The following FBXL13 variants were observed in gnomAD, a reference collection of about 807,000 sequenced individuals.
The protein encoded by FBXL13 is F-box and leucine-rich repeat protein 13.
In FBXL13, 67 loss-of-function variants were observed where a neutral mutation model predicts 83.6. That is an observed-to-expected ratio of 0.80 (90% CI 0.66 to 0.98). FBXL13 has a LOEUF of 0.98. FBXL13 is among the 50% of genes least tolerant of loss of function. The pLI, the probability that FBXL13 is intolerant of heterozygous loss-of-function variation, is 0.00. For missense variants in FBXL13, 822 were observed against 866.5 expected, an observed-to-expected ratio of 0.95 and a Z score of 0.64; for synonymous variants, 272 against 299.5, an observed-to-expected ratio of 0.91 and a Z score of 0.95.
chr7:103,046,663 T>C (rs1563268014), intron 2 of FBXL13: 1 of 152,206 alleles, frequency 6.6e-6, no homozygotes, highest in Non-Finnish European at 1.5e-5. Context: ...ATCATTTCTA[T>C]TGGCTACAGA....
intron 6 of FBXL13, among the ~76,000 whole-genome samples, chr7:102,969,961 AG>A (rs1330388541): frequency 2.0e-5 from 3 of 152,188 alleles, no homozygotes; most frequent in Non-Finnish European, 4.4e-5. Context: ...GGTATCAAAA[AG>A]ATCTCTCGCC....
chr7:102,923,909 T>C (rs111839133), intron 10 of FBXL13, among the ~76,000 whole-genome samples: 2,335 of 152,108 alleles, frequency 0.015, 48 homozygotes, highest in African/African-American at 0.054. Context: ...CAATAAATGA[T>C]GCTGAAATAA....
chr7:103,037,025 C>T (rs1459670221), intron 2 of FBXL13, among the ~76,000 whole-genome samples: 1 of 152,162 alleles, frequency 6.6e-6, no homozygotes, highest in Non-Finnish European at 1.5e-5. Flanking sequence ...CAAAGCCATT[C>T]CTTAGAACAC....
At chr7:102,925,353 C>T (rs920948888) in intron 10 of FBXL13, among the ~76,000 whole-genome samples, 4 of 152,150 alleles carry the variant, frequency 2.6e-5, no homozygotes, top group African/African-American at 4.8e-5. Flanking sequence ...CATGATTGTA[C>T]CATTGCATTG....
chr7:102,888,137 T>G (rs1811040759), intron 11 of FBXL13, among the ~76,000 whole-genome samples: 1 of 152,222 alleles, frequency 6.6e-6, no homozygotes, highest in Non-Finnish European at 1.5e-5. Context: ...GGTACTCTTT[T>G]TTTGAATTTC....
intron 6 of FBXL13, among the ~76,000 whole-genome samples, chr7:103,001,105 C>A (rs1790347584): frequency 6.6e-6 from 1 of 151,624 alleles, no homozygotes; most frequent in Non-Finnish European, 1.5e-5. Flanking sequence ...CCACCACACC[C>A]AGTTCTATAT....
intron 7 of FBXL13, among the ~76,000 whole-genome samples, chr7:102,967,617 G>C (rs1017437010): frequency 6.6e-6 from 1 of 152,112 alleles, no homozygotes; most frequent in Non-Finnish European, 1.5e-5. Context: ...AAAATTATGA[G>C]TTATGAAAAG....
intron 8 of FBXL13, chr7:102,944,680 G>GA: frequency 7.4e-7 from 1 of 1,346,880 alleles, no homozygotes; most frequent in Middle Eastern, 2.3e-4. Flanking sequence ...GTTTACATTT[G>GA]ATTAACTGTG....
intron 6 of FBXL13, among the ~76,000 whole-genome samples, chr7:103,017,841 T>A (rs1792563569): frequency 1.3e-5 from 2 of 152,162 alleles, no homozygotes; most frequent in South Asian, 4.2e-4. Flanking sequence ...AGACCAAACC[T>A]AGTTCTGATT....
intron 2 of FBXL13, chr7:103,050,156 G>A (rs2129494856): frequency 6.6e-6 from 1 of 152,318 alleles, no homozygotes; most frequent in Non-Finnish European, 1.5e-5. Context: ...TACAGCTTAA[G>A]AGAAGCCTCA....
chr7:103,019,726 G>A (rs1277995137), intron 6 of FBXL13, among the ~76,000 whole-genome samples: 1 of 152,212 alleles, frequency 6.6e-6, no homozygotes, highest in African/African-American at 2.4e-5. Context: ...AAATCTAGAA[G>A]AAATGGATAA....
At chr7:103,011,927 A>G (rs1028411919) in intron 6 of FBXL13, among the ~76,000 whole-genome samples, 1 of 152,222 alleles carries the variant, frequency 6.6e-6, no homozygotes, top group Admixed American at 6.5e-5. Context: ...CTTGGAAAAC[A>G]TATTTCAGGA....
chr7:102,860,356 G>A (rs1298164799), intron 16 of FBXL13, among the ~76,000 whole-genome samples: 2 of 152,188 alleles, frequency 1.3e-5, no homozygotes, highest in African/African-American at 4.8e-5. Context: ...TTTCACAGAG[G>A]AAGGAGATTT....
chr7:102,885,808 TA>T (rs1014041903), intron 11 of FBXL13, among the ~76,000 whole-genome samples: 2 of 152,194 alleles, frequency 1.3e-5, no homozygotes, highest in Non-Finnish European at 2.9e-5. Context: ...TAGTGTGAGG[TA>T]GGGGTCCAAC....
At chr7:102,982,722 C>G (rs1203470662) in intron 6 of FBXL13, among the ~76,000 whole-genome samples, 1 of 152,150 alleles carries the variant, frequency 6.6e-6, no homozygotes, top group Non-Finnish European at 1.5e-5. Context: ...CATTTGCAAC[C>G]ATGATTGTGA....
intron 6 of FBXL13, among the ~76,000 whole-genome samples, chr7:102,982,329 T>C (rs143014981): frequency 4.0e-4 from 61 of 152,266 alleles, no homozygotes; most frequent in Non-Finnish European, 7.2e-4. Flanking sequence ...CTAGGGGTAA[T>C]AGTGAGTGTG....
exon 8 of FBXL13, chr7:102,963,597 A>G: frequency 6.2e-7 from 1 of 1,613,138 alleles, no homozygotes; most frequent in Non-Finnish European, 8.5e-7. Flanking sequence ...GCACATTTAA[A>G]CGCCACCTTT....
chr7:102,890,043 G>C (rs967815779), intron 11 of FBXL13, among the ~76,000 whole-genome samples: 17 of 152,218 alleles, frequency 1.1e-4, no homozygotes, highest in Non-Finnish European at 2.1e-4. Flanking sequence ...CTTTAGCTTT[G>C]TCCTGGCATG....
chr7:103,073,102 A>G (rs1218628123), intron 1 of FBXL13, among the ~76,000 whole-genome samples: 1 of 152,258 alleles, frequency 6.6e-6, no homozygotes, highest in Non-Finnish European at 1.5e-5. Context: ...CTATGGACAG[A>G]GTAAAAAGTT....
Sources: allele counts gnomAD v4.1 joint callset (sites outside exome capture counted in the v4.1 genomes callset), GRCh38; gene constraint gnomAD v4.1.1; transcripts MANE v1.5; gene names NCBI Gene and HGNC (gene_info 2026-07-23, HGNC 2026-07-21).